The following ZNF169 variants were observed in gnomAD, a reference collection of about 807,000 sequenced individuals.
ZNF169 encodes zinc finger protein 169.
ZNF169 carries 11 observed loss-of-function variants against 12.0 expected under a neutral mutation model. The ratio of observed to expected loss-of-function variants is 0.92; its 90% CI spans 0.58 to 1.52. The LOEUF (loss-of-function observed/expected upper bound fraction) is 1.52. Ranked by LOEUF, ZNF169 falls within the 40% of genes most tolerant of loss-of-function variation. The probability of loss-of-function intolerance (pLI) is 0.00; values close to 1 mark genes in which losing one functional copy is unlikely to be tolerated. For synonymous variants in ZNF169, 302 were observed against 286.5 expected, an observed-to-expected ratio of 1.05 and a Z score of -0.55; for missense variants, 722 against 744.0, an observed-to-expected ratio of 0.97 and a Z score of 0.34.
chr9:94,283,505 T>C (rs778913410), intron 2 of ZNF169, among the ~76,000 whole-genome samples: 11 of 152,190 alleles, frequency 7.2e-5, no homozygotes, highest in Non-Finnish European at 1.5e-4. Flanking sequence ...TCAACTTTCG[T>C]AAAATTCTGG....
Position 94,300,154 on chromosome 9 carries a change from C to T in ZNF169, c.596C>T (p.Thr199Ile), listed in dbSNP as rs139876146. The T allele has an allele frequency of 5.9e-5, 96 of 1,613,964 alleles. No homozygotes were observed. The highest frequency in any genetic ancestry group is 7.6e-5 in the Non-Finnish European group (90 of 1,180,026). The stretch of plus-strand genomic sequence containing the variant: ...AGGATGAGTCTTGGGGGGTCAGACA[C>T]AATGTTGAAGGGAGCAGACACTTCA... ...AQRMSLGGSD[T>I]MLKGADTSES... Residue 199 changes from threonine to isoleucine, a missense_variant, in exon 5 of 5, where the codon ACA (threonine) becomes ATA (isoleucine). Coordinates refer to ENST00000395395, the MANE Select transcript of ZNF169 (RefSeq NM_194320.4).
intron 2 of ZNF169, among the ~76,000 whole-genome samples, chr9:94,282,565 CAGTGAGCAGAG>C (rs375231740): frequency 6.6e-6 from 1 of 152,286 alleles, no homozygotes; most frequent in African/African-American, 2.4e-5. Context: ...GCATCTATGT[CAGTGAGCAGAG>C]AGGTGACTTT....
At chr9:94,288,768 T>C (rs1375267768) in intron 2 of ZNF169, among the ~76,000 whole-genome samples, 1 of 152,212 alleles carries the variant, frequency 6.6e-6, no homozygotes, top group Non-Finnish European at 1.5e-5. Flanking sequence ...GTAAGTTTCC[T>C]GAGGCCTCCC....
At chr9:94,289,527 C>T (rs1361399000) in intron 2 of ZNF169, among the ~76,000 whole-genome samples, 1 of 151,950 alleles carries the variant, frequency 6.6e-6, no homozygotes, top group Non-Finnish European at 1.5e-5. Flanking sequence ...TGGTGGCTCA[C>T]GCCTGTAATC....
At chr9:94,264,750 T>G (rs1587667583) in intron 1 of ZNF169, among the ~76,000 whole-genome samples, 3 of 152,338 alleles carry the variant, frequency 2.0e-5, no homozygotes, top group Non-Finnish European at 4.4e-5. Context: ...TCCCTATCAC[T>G]AAAGTTTTGC....
intron 2 of ZNF169, chr9:94,287,965 A>C (rs1830749856): frequency 1.2e-6 from 1 of 818,880 alleles, no homozygotes; most frequent in Non-Finnish European, 2.2e-6. Flanking sequence ...TTCACCTTCT[A>C]GTAAATGGAG....
intron 2 of ZNF169, among the ~76,000 whole-genome samples, chr9:94,282,683 A>G (rs1345167305): frequency 6.6e-6 from 1 of 152,074 alleles, no homozygotes; most frequent in African/African-American, 2.4e-5. Context: ...TTTTCCTTTC[A>G]TAACCCCTTC....
chr9:94,288,224 T>G, intron 2 of ZNF169: 2 of 817,124 alleles, frequency 2.4e-6, no homozygotes, highest in Non-Finnish European at 2.1e-6. Context: ...TAGCATTTTT[T>G]TCCCCCAGTG....
In ZNF169 at chr9:94,298,040, G is replaced by A. The variant is rs991700247; in HGVS notation, c.257-1775G>A. On this transcript the variant is annotated intron_variant, in intron 4 of 4. Transcript: ENST00000395395. ...AAAATTAGCCAGGCGTAGTAGGTGC[G>A]CCTGTAATCCCAGCTACTCAGGAGG... is the stretch of plus-strand genomic sequence containing the variant. 7.2e-5 allele frequency among the ~76,000 whole-genome samples: 11 copies of A among 151,978 alleles called. No homozygotes were observed. In the South Asian group the frequency reaches 1.7e-3, roughly 23 times the overall value.
chr9:94,265,626 C>G (rs1233687397), intron 1 of ZNF169, among the ~76,000 whole-genome samples: 4 of 151,716 alleles, frequency 2.6e-5, no homozygotes, highest in Non-Finnish European at 2.9e-5. Flanking sequence ...ATATAACAAG[C>G]TATATCTCTA....
At chr9:94,278,948 T>C in intron 2 of ZNF169, 103 bp downstream of exon 2, 1 of 1,172,050 alleles carries the variant, frequency 8.5e-7, no homozygotes, top group Non-Finnish European at 1.2e-6. Context: ...ATCTTGATCT[T>C]GTAGGCGTGA....
chr9:94,283,276 C>T (rs1188107376), intron 2 of ZNF169, among the ~76,000 whole-genome samples: 1 of 152,102 alleles, frequency 6.6e-6, no homozygotes, highest in Non-Finnish European at 1.5e-5. Flanking sequence ...GGGCATGTGG[C>T]ATGCGCCTGT....
chr9:94,285,051 A>T (rs2055588417), intron 2 of ZNF169, among the ~76,000 whole-genome samples: 2 of 152,160 alleles, frequency 1.3e-5, no homozygotes, highest in South Asian at 4.1e-4. Context: ...GATCAGTGGA[A>T]TAGAATTGGC....
rs1438352445 is a variant in ZNF169 at position 94,301,085 on chromosome 9, AGAG to A, written c.1534_1536del (p.Glu512del). Reference sequence around the variant, plus strand: ...TCACCCGACACCAGAGGACACACTCAGAGGAGGAGCTTTACGTAGACAGGGTGT... The same window carrying A: ...TCACCCGACACCAGAGGACACACTCAGAGGAGCTTTACGTAGACAGGGTGT... On this transcript the variant is annotated inframe_deletion, in exon 5 of 5. Transcript: ENST00000395395. The A allele has an allele frequency of 6.2e-7, 1 of 1,613,824 alleles. No homozygotes were observed. The highest frequency in any genetic ancestry group is 1.3e-5 in the African/African-American group (1 of 74,826).
intron 3 of ZNF169, 60 bp from the exon 4 acceptor site, chr9:94,292,914 T>C: frequency 2.0e-6 from 3 of 1,481,476 alleles, no homozygotes; most frequent in Non-Finnish European, 2.8e-6. Flanking sequence ...CTCTGAGTTC[T>C]GAGATAGCCT....
In ZNF169 at chr9:94,278,326, G is replaced by A. The variant is rs560119082; in HGVS notation, c.-55-432G>A. Among the ~76,000 whole-genome samples the A allele has an allele frequency of 1.1e-4, 17 of 152,286 alleles. No homozygotes were observed. The South Asian group carries it at 2.3e-3, about 20-fold the overall frequency. On this transcript the variant is annotated intron_variant, in intron 1 of 4. Transcript: ENST00000395395. ...AAACTCAGGTTATGGCCTCCACCCTGCTTCATGTCTCCCTCAAAACCAGGA... is the reference window on the plus strand; with the variant it reads ...AAACTCAGGTTATGGCCTCCACCCTACTTCATGTCTCCCTCAAAACCAGGA...
intron 1 of ZNF169, among the ~76,000 whole-genome samples, chr9:94,269,345 A>G (rs1830350965): frequency 6.6e-6 from 1 of 151,468 alleles, no homozygotes. Context: ...AGACAGGAAA[A>G]CAGTAGGCTC....
rs1273682553 is a variant in ZNF169, at chr9:94,300,084, G to A, written c.526G>A (p.Val176Ile). Residue 176 changes from valine to isoleucine, a missense_variant, in exon 5 of 5, where the codon GTA (valine) becomes ATA (isoleucine). Coordinates refer to ENST00000395395, the MANE Select transcript of ZNF169 (RefSeq NM_194320.4). ...ACATCAAGGTGACCCAGTAGAATGG[G>A]TAGAAGGGAACAGAGAAGGAGGAAC... The part of the protein sequence containing the change: ...SPHQGDPVEW[V>I]EGNREGGTDL... 1 of 1,614,172 alleles carries A rather than the reference G, an allele frequency of 6.2e-7. No individual in the cohort carries two copies. The highest frequency in any genetic ancestry group is 8.5e-7 in the Non-Finnish European group (1 of 1,180,036).
chr9:94,297,795 G>A (rs1316574977), intron 4 of ZNF169, among the ~76,000 whole-genome samples: 1 of 152,158 alleles, frequency 6.6e-6, no homozygotes, highest in Non-Finnish European at 1.5e-5. Context: ...TGTTCTGATA[G>A]GGCACTTGAA....
Sources: gnomAD v4.1 joint callset for allele counts (sites outside exome capture counted in the v4.1 genomes callset) on GRCh38, gnomAD v4.1.1 for gene constraint, MANE v1.5 for transcripts, NCBI Gene and HGNC (gene_info 2026-07-23, HGNC 2026-07-21) for gene names.